The following ANKMY1 variants were observed in gnomAD, a reference collection of about 807,000 sequenced individuals.
The protein encoded by ANKMY1 is ankyrin repeat and MYND domain containing 1, also known as ankyrin repeat and MYND domain-containing protein 1.
ANKMY1 carries 98 observed loss-of-function variants against 102.0 expected under a neutral mutation model. The ratio of observed to expected loss-of-function variants is 0.96; its 90% CI spans 0.82 to 1.14. The LOEUF is 1.14. Ranked by LOEUF, ANKMY1 falls within the 50% of genes most tolerant of loss-of-function variation. ANKMY1 has a pLI of 0.00. For synonymous variants in ANKMY1, 582 were observed against 559.9 expected (o/e 1.04, Z -0.56); for missense variants, 1,330 against 1,347.6 (o/e 0.99, Z 0.20).
intron 11 of ANKMY1, among the ~76,000 whole-genome samples, chr2:240,510,751 C>T (rs1056919295): frequency 2.6e-5 from 4 of 151,286 alleles, no homozygotes; most frequent in Non-Finnish European, 5.9e-5. Context: ...CTGCTGCAGC[C>T]GTCACGCCTG....
downstream of ANKMY1, among the ~76,000 whole-genome samples, chr2:240,476,530 GC>G (rs11327434): frequency 0.27 from 41,601 of 152,124 alleles, 6,867 homozygotes; most frequent in East Asian, 0.67. Flanking sequence ...CTTTCACAGG[GC>G]CGGTGAAGAG....
At position 240,499,870 on chromosome 2, in the gene ANKMY1, G is replaced by A; in HGVS notation, c.2806+88C>T. ...AGGAAGGCCCCTCCAAGAGCCCCAG[G>A]GGGTCCAGATCTCCAGGGATAACAG... is the stretch of plus-strand genomic sequence containing the variant. On this transcript the variant is annotated intron_variant, in intron 15 of 17. Transcript: ENST00000401804. This position sits in a 1 kb window ranked among gnomAD's most constrained non-coding sequence, Gnocchi z 4.2. The A allele has an allele frequency of 1.4e-6, 2 of 1,461,800 alleles. No individual in the cohort carries two copies. The highest frequency in any genetic ancestry group is 1.4e-5 in the South Asian group (1 of 71,102). 90.6% of individuals were successfully genotyped at this position (1,461,800 alleles called of 1,614,324 possible).
chr2:240,493,103 C>T (rs2076836568), intron 15 of ANKMY1, among the ~76,000 whole-genome samples: 1 of 152,222 alleles, frequency 6.6e-6, no homozygotes, highest in South Asian at 2.1e-4. Context: ...GTGGGTGGAT[C>T]ATCAGGTCAG....
chr2:240,536,874 A>G lies in ANKMY1; in HGVS notation c.481-7365T>C, dbSNP rs60057446. Among the ~76,000 whole-genome samples, 474 of 152,126 alleles carry G rather than the reference A, an allele frequency of 3.1e-3. 2 individuals carry two copies. Among genetic ancestry groups the G allele is most frequent in the African/African-American group, 0.011 (462 of 41,498 alleles). On this transcript the variant is annotated intron_variant, in intron 4 of 17. Transcript: ENST00000401804. ...TTTCTCATGCTAAATATTCATTTTG[A>G]TTTTTTAAAATTATTTTTCTTTTTA...
chr2:240,508,385 C>T (rs1473414830), intron 12 of ANKMY1, among the ~76,000 whole-genome samples: 2 of 152,252 alleles, frequency 1.3e-5, no homozygotes, highest in Non-Finnish European at 2.9e-5. Context: ...GAGAAGAAAG[C>T]AGGGAGCAGA....
At chr2:240,547,795 C>G (rs1300068604) in intron 4 of ANKMY1, among the ~76,000 whole-genome samples, 1 of 148,848 alleles carries the variant, frequency 6.7e-6, no homozygotes, top group African/African-American at 2.5e-5. Flanking sequence ...CACATACACT[C>G]TCCCAAGACT....
downstream of ANKMY1, among the ~76,000 whole-genome samples, chr2:240,475,461 C>T (rs972393824): frequency 9.2e-5 from 14 of 151,662 alleles, 1 homozygote; most frequent in Non-Finnish European, 4.4e-5. Flanking sequence ...GTAAAAGATC[C>T]TTGCTTAAAT....
At chr2:240,508,528 C>T (rs372462451) in intron 12 of ANKMY1, among the ~76,000 whole-genome samples, 2 of 152,226 alleles carry the variant, frequency 1.3e-5, no homozygotes, top group African/African-American at 4.8e-5. Flanking sequence ...TGCCACCCTG[C>T]TAAAGTAGCC....
intron 2 of ANKMY1, among the ~76,000 whole-genome samples, chr2:240,556,040 C>G (rs990557035): frequency 6.6e-6 from 1 of 152,182 alleles, no homozygotes; most frequent in African/African-American, 2.4e-5. Flanking sequence ...CCTGTGGAGC[C>G]GCCTTCTCAT....
intron 9 of ANKMY1, among the ~76,000 whole-genome samples, chr2:240,518,124 T>C (rs1296026137): frequency 6.6e-6 from 1 of 152,108 alleles, no homozygotes; most frequent in African/African-American, 2.4e-5. Context: ...ACGGGCCCAA[T>C]TGTCCCATAG....
In ANKMY1 at chr2:240,552,973, A is replaced by C. The variant is rs760553392; in HGVS notation, c.421T>G (p.Phe141Val). 3 of 1,614,002 alleles carry C rather than the reference A, an allele frequency of 1.9e-6. No individual in the cohort carries two copies. Among genetic ancestry groups the C allele is most frequent in the Non-Finnish European group, 2.5e-6 (3 of 1,180,004 alleles). ...TAGCCTTCTCGGTGGCTGAGGTAAA[A>C]TGTGCCCGTGAAACTGGAGCCATCT... ...WPDGSSFTGT[F>V]YLSHREGYGT... The change falls in exon 4 of 18, where the codon TTT becomes GTT. Residue 141 changes from phenylalanine to valine, a missense_variant. By Grantham distance (50) the Phe-to-Val change is conservative (BLOSUM62 -1). Coordinates refer to ENST00000401804, the MANE Select transcript of ANKMY1 (RefSeq NM_001282771.3).
At chr2:240,526,160 G>A (rs2083347160) in intron 6 of ANKMY1, 69 bp downstream of exon 6, 12 of 1,576,820 alleles carry the variant, frequency 7.6e-6, no homozygotes, top group African/African-American at 1.3e-5. Context: ...GGCCACAGAG[G>A]GCCACCCACA....
chr2:240,511,924 G>GCAGGA lies in ANKMY1; in HGVS notation c.2222_2223insTCCTG (p.Leu742ProfsTer28). 1 of 1,578,664 alleles carries GCAGGA rather than the reference G, an allele frequency of 6.3e-7. No homozygotes were observed. Among genetic ancestry groups the GCAGGA allele is most frequent in the Non-Finnish European group, 8.6e-7 (1 of 1,168,994 alleles). ...CCGTCCTGCCCCCCTCCTCCGGGAGGGCTGTGTCCGTGCTGTAGTAGGCTT... is the reference window on the plus strand; with the variant it reads ...CCGTCCTGCCCCCCTCCTCCGGGAGGCAGGAGCTGTGTCCGTGCTGTAGTAGGCTT... On this transcript the variant is annotated frameshift_variant, in exon 11 of 18. Transcript: ENST00000401804. LOFTEE classifies it high-confidence loss of function.
At chr2:240,516,487 C>T (rs2081243261) in intron 9 of ANKMY1, among the ~76,000 whole-genome samples, 1 of 152,160 alleles carries the variant, frequency 6.6e-6, no homozygotes, top group African/African-American at 2.4e-5. Flanking sequence ...GCATGACATT[C>T]CTGAAATTCT....
intron 15 of ANKMY1, among the ~76,000 whole-genome samples, chr2:240,496,218 A>G (rs761881784): frequency 6.6e-6 from 1 of 152,102 alleles, no homozygotes; most frequent in Non-Finnish European, 1.5e-5. Context: ...TCTCTGTTTT[A>G]TCCTACTTGA....
At chr2:240,515,604 AACTG>A (rs1164592786) in intron 9 of ANKMY1, among the ~76,000 whole-genome samples, 2 of 152,228 alleles carry the variant, frequency 1.3e-5, no homozygotes, top group Non-Finnish European at 1.5e-5. Flanking sequence ...GTGATGTTTA[AACTG>A]ACTAAAATAG....
chr2:240,520,203 G>A lies in ANKMY1; in HGVS notation c.2004+159C>T. ...GACATGGGTGAAAGAGCGGGCTGTG[G>A]GACCCCCCACTGCGGCGCGCCGTCA... On this transcript the variant is annotated intron_variant, in intron 9 of 17. Coordinates refer to ENST00000401804, the MANE Select transcript of ANKMY1 (RefSeq NM_001282771.3). This position sits in a 1 kb window ranked among gnomAD's most constrained non-coding sequence, Gnocchi z 4.8. The A allele has an allele frequency of 3.7e-6, 4 of 1,093,652 alleles. No homozygotes were observed. Among genetic ancestry groups the A allele is most frequent in the Non-Finnish European group, 5.5e-6 (4 of 731,222 alleles). The allele number at this position is 1,093,652 out of a possible 1,614,324, so 67.7% of individuals were successfully genotyped here.
At chr2:240,508,059 C>T (rs558767045) in intron 12 of ANKMY1, among the ~76,000 whole-genome samples, 2 of 152,398 alleles carry the variant, frequency 1.3e-5, no homozygotes, top group Non-Finnish European at 1.5e-5. Flanking sequence ...CCAGTCCCAG[C>T]ACAGGGTTAG....
chr2:240,507,597 T>C lies in ANKMY1; in HGVS notation c.2489A>G (p.Tyr830Cys). The C allele has an allele frequency of 6.2e-7, 1 of 1,611,090 alleles. No individual in the cohort carries two copies. Among genetic ancestry groups the C allele is most frequent in the Non-Finnish European group, 8.5e-7 (1 of 1,178,632 alleles). The change falls in exon 13 of 18, where the codon TAC (tyrosine) becomes TGC (cysteine). Residue 830 changes from tyrosine (Y) to cysteine (C), a missense_variant. Tyr to Cys is a radical substitution (Grantham distance 194, BLOSUM62 -2). Coordinates refer to ENST00000401804, the MANE Select transcript of ANKMY1 (RefSeq NM_001282771.3). ...SALCVACDLT[Y>C]EHQRNMDSKL... The stretch of plus-strand genomic sequence containing the variant: ...GCTGTCCATGTTCCTCTGGTGCTCG[T>C]AGGTCAGGTCACAGGCAACACACAG...
Sources: gnomAD v4.1 joint callset for allele counts (sites outside exome capture counted in the v4.1 genomes callset) on GRCh38, gnomAD v4.1.1 for gene constraint, Gnocchi (gnomAD v3.1) non-coding constraint, MANE v1.5 for transcripts, NCBI Gene and HGNC (gene_info 2026-07-23, HGNC 2026-07-21) for gene names.